Variants in SORCS3 observed in about 807,000 individuals in gnomAD.
SORCS3 encodes the protein sortilin related VPS10 domain containing receptor 3, also known as VPS10 domain-containing receptor SorCS3.
A neutral mutation model predicts 146.3 loss-of-function variants in SORCS3; 57 were observed. The observed-to-expected ratio is 0.39, with a 90% CI of 0.31 to 0.49. The LOEUF (loss-of-function observed/expected upper bound fraction) is 0.49. Among genes scored for constraint, SORCS3 ranks in the 20% least tolerant of loss-of-function variants. The pLI is 0.92. For missense variants in SORCS3, 1,341 were observed against 1,575.5 expected (o/e 0.85, Z 2.52); for synonymous variants, 653 against 618.5 (o/e 1.06, Z -0.83).
chr10:104,703,811 T>C (rs1210536936), intron 1 of SORCS3, among the ~76,000 whole-genome samples: 1 of 151,980 alleles, frequency 6.6e-6, no homozygotes, highest in Non-Finnish European at 1.5e-5. Flanking sequence ...CAGAGAGGTT[T>C]TCGACTCCAT....
chr10:104,718,534 G>A (rs1026863654), intron 1 of SORCS3, among the ~76,000 whole-genome samples: 3 of 152,162 alleles, frequency 2.0e-5, no homozygotes, highest in Non-Finnish European at 4.4e-5. Context: ...TAGAAGAAAG[G>A]TTTGTGTAGG....
At chr10:104,915,525 G>C (rs1025539044) in intron 2 of SORCS3, among the ~76,000 whole-genome samples, 1 of 139,600 alleles carries the variant, frequency 7.2e-6, no homozygotes, top group Non-Finnish European at 1.6e-5. Flanking sequence ...GGGTGGGGGG[G>C]TGGGGCGGGG....
At chr10:104,872,647 G>A (rs2018530882) in intron 2 of SORCS3, among the ~76,000 whole-genome samples, 1 of 149,908 alleles carries the variant, frequency 6.7e-6, no homozygotes, top group Non-Finnish European at 1.5e-5. Flanking sequence ...TGAAATAGAG[G>A]GTGAATAACA....
At chr10:104,812,816 T>C (rs2017755266) in intron 1 of SORCS3, among the ~76,000 whole-genome samples, 1 of 152,194 alleles carries the variant, frequency 6.6e-6, no homozygotes, top group African/African-American at 2.4e-5. Context: ...TCTCAAAGGG[T>C]AACCAGAGCA....
intron 1 of SORCS3, among the ~76,000 whole-genome samples, chr10:104,797,056 G>A (rs1273316166): frequency 6.6e-6 from 1 of 152,158 alleles, no homozygotes; most frequent in Non-Finnish European, 1.5e-5. Flanking sequence ...TTACAACAAG[G>A]TGGCATTCAT....
intron 9 of SORCS3, among the ~76,000 whole-genome samples, chr10:105,149,335 T>C (rs771267719): frequency 1.3e-5 from 2 of 152,102 alleles, no homozygotes; most frequent in Non-Finnish European, 2.9e-5. Context: ...AACAAAATCG[T>C]AGAAATACCC....
At chr10:105,256,718 A>T in intron 24 of SORCS3, 101 bp from the exon 25 acceptor site, 1 of 834,318 alleles carries the variant, frequency 1.2e-6, no homozygotes, top group Non-Finnish European at 2.0e-6. Flanking sequence ...AGACATAAGG[A>T]TGGAGATCAG....
chr10:104,823,843 C>T (rs1429769768), intron 1 of SORCS3, among the ~76,000 whole-genome samples: 2 of 152,062 alleles, frequency 1.3e-5, no homozygotes, highest in South Asian at 2.1e-4. Context: ...TAAGATAAAG[C>T]GATTGTCTTG....
chr10:104,655,955 G>A (rs2015624860), intron 1 of SORCS3, among the ~76,000 whole-genome samples: 1 of 152,178 alleles, frequency 6.6e-6, no homozygotes, highest in Non-Finnish European at 1.5e-5. Context: ...CACAGTCCTA[G>A]ATGTTTCTTT....
chr10:104,892,853 C>T (rs1356173506), intron 2 of SORCS3, among the ~76,000 whole-genome samples: 6 of 152,094 alleles, frequency 3.9e-5, no homozygotes, highest in South Asian at 2.1e-4. Context: ...GTTCTCATTG[C>T]GTGCCTCTCT....
chr10:104,653,288 C>A (rs11192147), intron 1 of SORCS3, among the ~76,000 whole-genome samples: 58,069 of 151,944 alleles, frequency 0.38, 12,350 homozygotes, highest in East Asian at 0.64. Context: ...AAAGAATATG[C>A]TATTTCACCA....
At chr10:105,106,632 C>T (rs1403373499) in intron 7 of SORCS3, among the ~76,000 whole-genome samples, 1 of 152,108 alleles carries the variant, frequency 6.6e-6, no homozygotes, top group East Asian at 1.9e-4. Context: ...TGATTGTAGG[C>T]ATCGCAGTTA....
intron 2 of SORCS3, among the ~76,000 whole-genome samples, chr10:104,896,109 C>A (rs945227720): frequency 6.6e-6 from 1 of 152,150 alleles, no homozygotes; most frequent in East Asian, 1.9e-4. Context: ...TTTATTACTG[C>A]CATTTTCCAA....
At chr10:104,823,049 C>T (rs368084451) in intron 1 of SORCS3, among the ~76,000 whole-genome samples, 5 of 152,126 alleles carry the variant, frequency 3.3e-5, no homozygotes, top group Middle Eastern at 3.4e-3. Flanking sequence ...AAAGAGGTGA[C>T]GAGACATGGG....
intron 7 of SORCS3, among the ~76,000 whole-genome samples, chr10:105,108,711 G>A (rs1250852150): frequency 1.3e-5 from 2 of 151,408 alleles, no homozygotes; most frequent in African/African-American, 4.8e-5. Context: ...CAATAAACTT[G>A]AGAAAAACAT....
At chr10:105,110,853 G>A (rs1481703304) in intron 7 of SORCS3, among the ~76,000 whole-genome samples, 1 of 152,094 alleles carries the variant, frequency 6.6e-6, no homozygotes, top group African/African-American at 2.4e-5. Flanking sequence ...TTTCTGAAAT[G>A]TTACAAGAGC....
rs904217713 is a variant in SORCS3, at chr10:104,703,246, T to C, written c.627+61292T>C. ...ATGAAAACCAAGTTTAAAAGTGGCC[T>C]GATAGGTCAAATGGTATTTCTGGTT... On this transcript the variant is annotated intron_variant, in intron 1 of 26. Coordinates refer to ENST00000369701, the MANE Select transcript of SORCS3 (RefSeq NM_014978.3). Among the ~76,000 whole-genome samples, 4 of 152,172 alleles carry C rather than the reference T, an allele frequency of 2.6e-5. 1 individual carries two copies. The highest frequency in any genetic ancestry group is 5.9e-5 in the Non-Finnish European group (4 of 68,014).
chr10:105,116,597 C>G (rs77670400), intron 7 of SORCS3, among the ~76,000 whole-genome samples: 3,710 of 152,140 alleles, frequency 0.024, 153 homozygotes, highest in African/African-American at 0.084. Context: ...GTGTTCATCA[C>G]AGCTTTGTTC....
intron 13 of SORCS3, among the ~76,000 whole-genome samples, chr10:105,174,372 C>T (rs900101517): frequency 6.6e-6 from 1 of 151,970 alleles, no homozygotes. Flanking sequence ...TTGGGGATAC[C>T]ATTCAATATA....
Sources: gnomAD v4.1 joint callset for allele counts (sites outside exome capture counted in the v4.1 genomes callset) on GRCh38, gnomAD v4.1.1 for gene constraint, MANE v1.5 for transcripts, NCBI Gene and HGNC (gene_info 2026-07-23, HGNC 2026-07-21) for gene names.